Variants in KTN1 observed in about 807,000 individuals in gnomAD.
The protein encoded by KTN1 is kinectin.
Under a neutral mutation model 222.5 loss-of-function variants are expected in KTN1, and 130 were observed. The observed-to-expected ratio is 0.58, with a 90% CI of 0.51 to 0.68. The LOEUF (loss-of-function observed/expected upper bound fraction) is 0.68, where lower values mean the gene tolerates loss of function less well. Ranked by LOEUF, KTN1 falls within the 30% of genes least tolerant of loss-of-function variation. The pLI is 0.00. For missense variants in KTN1, 1,508 were observed against 1,500.4 expected (o/e 1.01, Z -0.08); for synonymous variants, 512 against 496.3 (o/e 1.03, Z -0.42).
intron 1 of KTN1, among the ~76,000 whole-genome samples, chr14:55,610,344 G>T (rs1322587585): frequency 6.6e-6 from 1 of 151,068 alleles, no homozygotes; most frequent in Non-Finnish European, 1.5e-5. Context: ...CGTATTTTCA[G>T]TAACAATTGG....
Position 55,648,086 on chromosome 14 carries a change from C to G in KTN1, c.2269C>G (p.Gln757Glu), listed in dbSNP as rs772090586. 6.4e-7 allele frequency: 1 copy of G among 1,566,798 alleles called. No individual in the cohort carries two copies. Among genetic ancestry groups the G allele is most frequent in the East Asian group, 2.3e-5 (1 of 42,826 alleles). Residue 757 changes from glutamine (Q) to glutamate (E), a missense_variant, in exon 20 of 44, where the codon CAG becomes GAG. Gln to Glu is a conservative substitution (Grantham distance 29). Transcript: ENST00000395314. ...AGAATTACTTGAAACTGGACTTATT[C>G]AGGTGGCAACTAAAGAAGAGGAGCT... ...VEELLETGLI[Q>E]VATKEEELNA...
In KTN1 at chr14:55,612,530, C is replaced by G. The variant is rs529619703; in HGVS notation, c.482C>G (p.Ser161Trp). 1.9e-6 allele frequency: 3 copies of G among 1,602,104 alleles called. No individual in the cohort carries two copies. The highest frequency in any genetic ancestry group is 1.1e-5 in the South Asian group (1 of 88,004). ...QPTPPSEAAA[S>W]KKKPGQKKSK... ...ACCCCTCCCTCTGAAGCAGCTGCCT[C>G]GAAGAAGAAACCAGGGCAGAAGAAG... Residue 161 changes from serine (S) to tryptophan (W), a missense_variant, in exon 2 of 44, where the codon TCG (serine) becomes TGG (tryptophan). Coordinates refer to ENST00000395314, the MANE Select transcript of KTN1 (RefSeq NM_001079521.2).
At chr14:55,613,986 C>T (rs557758448) in intron 2 of KTN1, among the ~76,000 whole-genome samples, 16 of 152,244 alleles carry the variant, frequency 1.1e-4, no homozygotes, top group South Asian at 4.1e-4. Context: ...AGCATTGAAT[C>T]GCTTCATCAA....
At chr14:55,589,176 T>C (rs1189966315) in intron 1 of KTN1, among the ~76,000 whole-genome samples, 5 of 152,226 alleles carry the variant, frequency 3.3e-5, no homozygotes, top group Non-Finnish European at 7.3e-5. Context: ...TTTTGTCTGC[T>C]CTTTTAGGAT....
intron 33 of KTN1, among the ~76,000 whole-genome samples, chr14:55,664,326 CT>C (rs962439028): frequency 2.6e-5 from 4 of 152,008 alleles, no homozygotes; most frequent in African/African-American, 9.7e-5. Flanking sequence ...CAATATGCGC[CT>C]TTTGGGTTGG....
At chr14:55,590,397 TACGTATGAG>T in intron 1 of KTN1, among the ~76,000 whole-genome samples, 1 of 152,338 alleles carries the variant, frequency 6.6e-6, no homozygotes, top group South Asian at 2.1e-4. Flanking sequence ...TAAAATAAAA[TACGTATGAG>T]ATAATATTTT....
Position 55,612,101 on chromosome 14 carries a change from T to C in KTN1, c.53T>C (p.Ile18Thr), listed in dbSNP as rs1489123844. ...YFIVLIPSIV[I>T]TVIFLFFWLF... ...ATTGTTCTTATTCCTTCAATAGTTA[T>C]TACAGTAATTTTCCTCTTCTTCTGG... The change falls in exon 2 of 44, where the codon ATT (isoleucine) becomes ACT (threonine). Residue 18 changes from isoleucine to threonine, a missense_variant. Transcript: ENST00000395314. 4 of 1,545,316 alleles carry C rather than the reference T, an allele frequency of 2.6e-6. No homozygotes were observed. The highest frequency in any genetic ancestry group is 2.6e-6 in the Non-Finnish European group (3 of 1,152,334).
chr14:55,587,794 G>A (rs2033327696), intron 1 of KTN1, among the ~76,000 whole-genome samples: 1 of 152,136 alleles, frequency 6.6e-6, no homozygotes. Flanking sequence ...TAATCTTTGT[G>A]CTTGGTACTC....
intron 29 of KTN1, among the ~76,000 whole-genome samples, chr14:55,657,397 GTT>G (rs35297700): frequency 1.5e-4 from 21 of 137,656 alleles, no homozygotes; most frequent in South Asian, 2.3e-4. Flanking sequence ...CTGAGTTGAC[GTT>G]TTTTTTTTTT....
chr14:55,649,977 C>T (rs1371826540), intron 22 of KTN1, among the ~76,000 whole-genome samples, 164 bp downstream of exon 22: 1 of 147,836 alleles, frequency 6.8e-6, no homozygotes, highest in African/African-American at 2.5e-5. Flanking sequence ...GCTGTGCTTT[C>T]CCAAATTCAG....
intron 1 of KTN1, among the ~76,000 whole-genome samples, chr14:55,604,924 A>G (rs1020853028): frequency 3.3e-5 from 5 of 152,198 alleles, no homozygotes; most frequent in Admixed American, 3.3e-4. Context: ...TAGAATCCAT[A>G]GTAGCCTCTT....
chr14:55,643,681 G>A (rs1283579063), intron 18 of KTN1, among the ~76,000 whole-genome samples: 1 of 152,080 alleles, frequency 6.6e-6, no homozygotes, highest in African/African-American at 2.4e-5. Flanking sequence ...GCTAAAAATG[G>A]TATTTTCCAT....
chr14:55,580,470 C>A (rs2031115981), intron 1 of KTN1, 116 bp downstream of exon 1: 1 of 146,742 alleles, frequency 6.8e-6, no homozygotes, highest in Non-Finnish European at 1.5e-5. Context: ...CGGGGGGGCG[C>A]GGCCGCGGGG....
chr14:55,643,712 A>C (rs1322630825), intron 18 of KTN1, among the ~76,000 whole-genome samples: 3 of 152,138 alleles, frequency 2.0e-5, no homozygotes, highest in Non-Finnish European at 4.4e-5. Context: ...AAGTAAAACC[A>C]CCAGCCTTAA....
At chr14:55,678,317 A>G (rs2046058466) in intron 41 of KTN1, 35 bp from the exon 42 acceptor site, 2 of 1,158,994 alleles carry the variant, frequency 1.7e-6, no homozygotes, top group East Asian at 2.3e-5. Context: ...TATCAACTGT[A>G]TTACTTAGTA....
Position 55,652,956 on chromosome 14 carries a change from C to A in KTN1, c.2694+16C>A. ...GTGGTTACAGGTGAGAAATTAAAAA[C>A]AATAAAAAATAGCCTTTTTATACTT... On this transcript the variant is annotated intron_variant, in intron 26 of 43. Transcript: ENST00000395314. The A allele has an allele frequency of 6.3e-7, 1 of 1,594,766 alleles. No homozygotes were observed. The highest frequency in any genetic ancestry group is 8.6e-7 in the Non-Finnish European group (1 of 1,165,780).
chr14:55,596,081 G>C (rs2034972783), intron 1 of KTN1, among the ~76,000 whole-genome samples: 3 of 150,648 alleles, frequency 2.0e-5, no homozygotes, highest in Admixed American at 6.6e-5. Flanking sequence ...TGTGAACCTG[G>C]GAGGCGGAGC....
At chr14:55,587,716 A>G (rs2140326175) in intron 1 of KTN1, among the ~76,000 whole-genome samples, 1 of 152,272 alleles carries the variant, frequency 6.6e-6, no homozygotes, top group African/African-American at 2.4e-5. Context: ...TGATTTCTGT[A>G]AAGGGAATTC....
At chr14:55,587,118 G>A (rs1199118782) in intron 1 of KTN1, among the ~76,000 whole-genome samples, 4 of 151,978 alleles carry the variant, frequency 2.6e-5, no homozygotes, top group East Asian at 3.9e-4. Flanking sequence ...CTTGTTCATC[G>A]CTGTGAACTA....
Sources: allele counts gnomAD v4.1 joint callset (sites outside exome capture counted in the v4.1 genomes callset), GRCh38; gene constraint gnomAD v4.1.1; transcripts MANE v1.5; gene names NCBI Gene and HGNC (gene_info 2026-07-23, HGNC 2026-07-21).